STARD13: variants seen among roughly 807,000 people sequenced by gnomAD.
STARD13 encodes the protein StAR related lipid transfer domain containing 13.
STARD13 carries 62 observed loss-of-function variants against 106.4 expected under a neutral mutation model. The ratio of observed to expected loss-of-function variants is 0.58; its 90% CI spans 0.48 to 0.72. The LOEUF is 0.72. STARD13 is among the 30% of genes least tolerant of loss of function. The probability of loss-of-function intolerance (pLI) is 0.00; values close to 1 mark genes in which losing one functional copy is unlikely to be tolerated. For missense variants in STARD13, 1,387 were observed against 1,424.0 expected (o/e 0.97, Z 0.42); for synonymous variants, 565 against 553.0 (o/e 1.02, Z -0.31).
intron 1 of STARD13, among the ~76,000 whole-genome samples, chr13:33,261,835 T>C (rs565575111): frequency 4.6e-5 from 7 of 152,340 alleles, no homozygotes; most frequent in Non-Finnish European, 1.0e-4. Flanking sequence ...GAAGGGCTTA[T>C]GAATGCTTCA....
intron 1 of STARD13, among the ~76,000 whole-genome samples, chr13:33,342,915 C>G (rs374141011): frequency 2.0e-5 from 3 of 152,178 alleles, no homozygotes; most frequent in Non-Finnish European, 4.4e-5. Flanking sequence ...AACCAAAGAG[C>G]CCCCCAGGAC....
chr13:33,528,254 A>ACATATATATGTATATG, the STARD13 span, among the ~76,000 whole-genome samples: 1 of 130,426 alleles, frequency 7.7e-6, no homozygotes, highest in African/African-American at 3.5e-5. Flanking sequence ...ATATATATAT[A>ACATATATATGTATATG]TACATATATA....
intron 1 of STARD13, among the ~76,000 whole-genome samples, chr13:33,238,211 T>C (rs144695478): frequency 1.3e-5 from 2 of 152,130 alleles, no homozygotes; most frequent in Non-Finnish European, 2.9e-5. Context: ...ACAGACATAA[T>C]CCTCACTCAC....
At chr13:33,309,357 A>G (rs1186143826) in intron 1 of STARD13, among the ~76,000 whole-genome samples, 2 of 152,192 alleles carry the variant, frequency 1.3e-5, no homozygotes, top group East Asian at 3.9e-4. Context: ...AGCTGGAAGT[A>G]GGGAAGTCAA....
At chr13:33,557,832 T>G in the STARD13 span, among the ~76,000 whole-genome samples, 1 of 152,260 alleles carries the variant, frequency 6.6e-6, no homozygotes, top group South Asian at 2.1e-4. Context: ...AAGGTATACC[T>G]ATAGAAGGTT....
chr13:33,365,203 T>A, the STARD13 span, among the ~76,000 whole-genome samples: 1 of 151,800 alleles, frequency 6.6e-6, no homozygotes, highest in South Asian at 2.1e-4. Flanking sequence ...CTGAAGGGAA[T>A]GGGGGAGTCT....
chr13:33,657,434 C>A, the STARD13 span: 118,672 of 152,208 alleles, frequency 0.78, 49,976 homozygotes, highest in South Asian at 0.96. Flanking sequence ...TCGTTACAGA[C>A]CTTACAGAAT....
the STARD13 span, among the ~76,000 whole-genome samples, chr13:33,370,216 T>A: frequency 1.3e-5 from 2 of 152,332 alleles, no homozygotes; most frequent in East Asian, 3.9e-4. Context: ...GGGAGCTTTT[T>A]AAACTGAATC....
At chr13:33,540,715 C>T in the STARD13 span, among the ~76,000 whole-genome samples, 46 of 152,156 alleles carry the variant, frequency 3.0e-4, no homozygotes, top group African/African-American at 9.9e-4. Flanking sequence ...TTGGCTTATG[C>T]TCACAATTCT....
intron 2 of STARD13, 115 bp from the exon 3 acceptor site, chr13:33,165,533 T>G (rs1883219640): frequency 2.6e-6 from 2 of 756,940 alleles, no homozygotes; most frequent in Non-Finnish European, 4.5e-6. Context: ...TGACTGCCCA[T>G]CATCATTGTT....
At chr13:33,193,587 C>T (rs1886404687) in intron 1 of STARD13, among the ~76,000 whole-genome samples, 1 of 152,148 alleles carries the variant, frequency 6.6e-6, no homozygotes, top group Non-Finnish European at 1.5e-5. Flanking sequence ...ACAAACCAGT[C>T]GGAAAGCGTG....
the STARD13 span, among the ~76,000 whole-genome samples, chr13:33,598,820 G>C: frequency 6.6e-6 from 1 of 152,194 alleles, no homozygotes; most frequent in Non-Finnish European, 1.5e-5. Context: ...GAGATGCCAT[G>C]GGGCGGGAGC....
intron 1 of STARD13, among the ~76,000 whole-genome samples, chr13:33,266,262 T>C (rs1890891181): frequency 6.6e-6 from 1 of 152,234 alleles, no homozygotes; most frequent in South Asian, 2.1e-4. Context: ...TGGTACTTCC[T>C]CTTCTGAGGA....
At chr13:33,162,205 A>G (rs1371946988) in intron 3 of STARD13, among the ~76,000 whole-genome samples, 16 of 152,234 alleles carry the variant, frequency 1.1e-4, no homozygotes, top group Admixed American at 9.8e-4. Flanking sequence ...GTCTCATATG[A>G]GACAAGGCAA....
At chr13:33,224,119 G>A (rs1366013419) in intron 1 of STARD13, among the ~76,000 whole-genome samples, 1 of 152,192 alleles carries the variant, frequency 6.6e-6, no homozygotes, top group Non-Finnish European at 1.5e-5. Flanking sequence ...AGGGAGAAAA[G>A]AGAGCAGTTA....
At chr13:33,632,243 G>T in the STARD13 span, among the ~76,000 whole-genome samples, 142 of 152,230 alleles carry the variant, frequency 9.3e-4, no homozygotes, top group Middle Eastern at 3.4e-3. Context: ...CACATTTCCT[G>T]AGCCATTCCT....
At chr13:33,675,369 T>C in the STARD13 span, among the ~76,000 whole-genome samples, 4 of 152,142 alleles carry the variant, frequency 2.6e-5, no homozygotes, top group Non-Finnish European at 5.9e-5. Flanking sequence ...AGCAGCTTAG[T>C]TCTGGAAAGG....
the STARD13 span, among the ~76,000 whole-genome samples, chr13:33,621,835 G>A: frequency 1.3e-5 from 2 of 148,936 alleles, no homozygotes; most frequent in African/African-American, 5.0e-5. Flanking sequence ...ACGAAGTCTC[G>A]CTCTTGTCAT....
the STARD13 span, among the ~76,000 whole-genome samples, chr13:33,399,257 C>A: frequency 6.6e-6 from 1 of 152,066 alleles, no homozygotes; most frequent in African/African-American, 2.4e-5. Flanking sequence ...TGTGTGCTCT[C>A]ACTTATATAT....
Sources: gnomAD v4.1 joint callset for allele counts (sites outside exome capture counted in the v4.1 genomes callset) on GRCh38, gnomAD v4.1.1 for gene constraint, MANE v1.5 for transcripts, NCBI Gene and HGNC (gene_info 2026-07-23, HGNC 2026-07-21) for gene names.